COL13A1: variants seen among roughly 807,000 people sequenced by gnomAD.
The protein encoded by COL13A1 is collagen type XIII alpha 1 chain, also known as collagen alpha-1(XIII) chain.
Under a neutral mutation model 130.9 loss-of-function variants are expected in COL13A1, and 89 were observed. The ratio of observed to expected loss-of-function variants is 0.68; its 90% confidence interval spans 0.57 to 0.81. COL13A1 has a LOEUF of 0.81. Among genes scored for constraint, COL13A1 ranks in the 30% least tolerant of loss-of-function variants. The probability of loss-of-function intolerance (pLI) is 0.00; values close to 1 mark genes in which losing one functional copy is unlikely to be tolerated. For missense variants in COL13A1, 879 were observed against 934.6 expected (o/e 0.94, Z 0.78); for synonymous variants, 402 against 341.6 (o/e 1.18, Z -1.95).
intron 37 of COL13A1, 38 bp downstream of exon 37, chr10:69,945,762 C>T (rs1226041333): frequency 6.9e-6 from 11 of 1,592,674 alleles, no homozygotes; most frequent in East Asian, 4.5e-5. Flanking sequence ...CTCCTCCCAC[C>T]CCTGCCCCCA....
chr10:69,863,123 T>A (rs1858673948), intron 2 of COL13A1, among the ~76,000 whole-genome samples: 1 of 152,130 alleles, frequency 6.6e-6, no homozygotes, highest in Non-Finnish European at 1.5e-5. Flanking sequence ...TTTCTCATCC[T>A]TAGCACGATT....
At chr10:69,872,671 G>A (rs749365011) in intron 4 of COL13A1, among the ~76,000 whole-genome samples, 2 of 152,228 alleles carry the variant, frequency 1.3e-5, no homozygotes, top group African/African-American at 2.4e-5. Context: ...ATTCTAGAGA[G>A]GCTGTGCCAA....
At chr10:69,844,589 GAACA>G (rs1852499247) in intron 2 of COL13A1, among the ~76,000 whole-genome samples, 1 of 152,202 alleles carries the variant, frequency 6.6e-6, no homozygotes, top group Non-Finnish European at 1.5e-5. Flanking sequence ...GGCATGTTTA[GAACA>G]GTAGCAAGCA....
At chr10:69,855,316 C>T (rs1274013673) in intron 2 of COL13A1, among the ~76,000 whole-genome samples, 3 of 152,184 alleles carry the variant, frequency 2.0e-5, no homozygotes, top group Admixed American at 2.0e-4. Flanking sequence ...TTCTTTATTT[C>T]TTCCTGGCCC....
chr10:69,852,531 C>T (rs1405020435), intron 2 of COL13A1, among the ~76,000 whole-genome samples: 2 of 152,262 alleles, frequency 1.3e-5, no homozygotes, highest in African/African-American at 2.4e-5. Flanking sequence ...CCAGCACCAA[C>T]ATAGAGCAGT....
At chr10:69,952,752 A>G (rs1350398322) in intron 38 of COL13A1, 130 bp from the exon 39 acceptor site, 10 of 630,918 alleles carry the variant, frequency 1.6e-5, no homozygotes, top group African/African-American at 3.9e-5. Context: ...CCTACTGGGG[A>G]GAATATCCTA....
At chr10:69,886,281 T>G (rs1452918167) in intron 7 of COL13A1, among the ~76,000 whole-genome samples, 2 of 152,262 alleles carry the variant, frequency 1.3e-5, no homozygotes, top group Non-Finnish European at 2.9e-5. Flanking sequence ...AAATGTAATT[T>G]GATGATCCTA....
At chr10:69,950,349 A>G (rs557317033) in intron 38 of COL13A1, among the ~76,000 whole-genome samples, 19 of 152,240 alleles carry the variant, frequency 1.2e-4, no homozygotes, top group African/African-American at 4.3e-4. Flanking sequence ...CTACTCTAAT[A>G]GCCTCAAAGG....
chr10:69,864,785 G>A (rs1036222400), intron 2 of COL13A1, among the ~76,000 whole-genome samples: 20 of 152,176 alleles, frequency 1.3e-4, no homozygotes, highest in African/African-American at 9.7e-5. Context: ...GGCGGAGAAC[G>A]GTAGTGGCCT....
intron 2 of COL13A1, chr10:69,829,362 C>T (rs910414774): frequency 1.4e-6 from 1 of 693,020 alleles, no homozygotes; most frequent in Non-Finnish European, 1.8e-6. Flanking sequence ...GGATAAAGCC[C>T]TAAATCCCTA....
At chr10:69,805,627 G>C (rs905544745) in intron 1 of COL13A1, among the ~76,000 whole-genome samples, 3 of 152,234 alleles carry the variant, frequency 2.0e-5, no homozygotes, top group African/African-American at 7.2e-5. Flanking sequence ...CTGGACAGTA[G>C]AGAGAAAGAA....
At chr10:69,830,408 A>G (rs1848538694) in intron 2 of COL13A1, among the ~76,000 whole-genome samples, 1 of 152,266 alleles carries the variant, frequency 6.6e-6, no homozygotes, top group South Asian at 2.1e-4. Flanking sequence ...CACACACAGT[A>G]AACAGGATAA....
At chr10:69,926,744 G>A (rs988074024) in intron 26 of COL13A1, among the ~76,000 whole-genome samples, 2 of 152,214 alleles carry the variant, frequency 1.3e-5, no homozygotes, top group Admixed American at 6.5e-5. Flanking sequence ...GTCCTCAGAA[G>A]GTGACTAGAA....
chr10:69,915,512 C>A (rs2063822121), intron 17 of COL13A1, among the ~76,000 whole-genome samples: 1 of 152,226 alleles, frequency 6.6e-6, no homozygotes, highest in African/African-American at 2.4e-5. Flanking sequence ...CTCAGGCAGA[C>A]ATAAATTTGT....
At chr10:69,870,319 G>A (rs2058934855) in intron 3 of COL13A1, among the ~76,000 whole-genome samples, 2 of 149,008 alleles carry the variant, frequency 1.3e-5, no homozygotes, top group Non-Finnish European at 3.0e-5. Context: ...ACTTTTTTGG[G>A]TGAGAGAGTG....
In COL13A1 at chr10:69,920,931, T is replaced by A. The variant is rs182225465; in HGVS notation, c.1090-951T>A. Among the ~76,000 whole-genome samples the A allele has an allele frequency of 1.8e-4, 27 of 152,184 alleles. No individual in the cohort carries two copies. In the East Asian group the frequency reaches 4.6e-3, roughly 26 times the overall value. On this transcript the variant is annotated intron_variant, in intron 21 of 40. Coordinates refer to ENST00000645393, the MANE Select transcript of COL13A1 (RefSeq NM_001368882.1). ...CCAAATCTGTGAAATGAGAATGGGG[T>A]TCAGCATCTCTAAGGGGCTCTTTGA...
chr10:69,850,835 C>T (rs918340964), intron 2 of COL13A1, among the ~76,000 whole-genome samples: 11 of 152,240 alleles, frequency 7.2e-5, no homozygotes, highest in African/African-American at 2.2e-4. Context: ...CGGGGATGGC[C>T]CCTCAGAGTT....
intron 24 of COL13A1, among the ~76,000 whole-genome samples, chr10:69,924,649 C>T (rs2065112673): frequency 6.6e-6 from 1 of 152,072 alleles, no homozygotes; most frequent in Non-Finnish European, 1.5e-5. Context: ...AGCAAACGTC[C>T]CTGCTCCAAT....
chr10:69,898,217 C>T (rs1321709122), intron 13 of COL13A1, among the ~76,000 whole-genome samples: 3 of 152,222 alleles, frequency 2.0e-5, no homozygotes, highest in Non-Finnish European at 2.9e-5. Context: ...ACCAATTTCA[C>T]GGGCCCGGTG....
Sources: gnomAD v4.1 joint callset for allele counts (sites outside exome capture counted in the v4.1 genomes callset) on GRCh38, gnomAD v4.1.1 for gene constraint, MANE v1.5 for transcripts, NCBI Gene and HGNC (gene_info 2026-07-23, HGNC 2026-07-21) for gene names.